Variants in RTN4 observed in about 807,000 individuals in gnomAD.
RTN4 encodes reticulon 4.
Under a neutral mutation model 90.4 loss-of-function variants are expected in RTN4, and 32 were observed. The observed-to-expected ratio is 0.35, with a 90% confidence interval of 0.27 to 0.48. RTN4 has a LOEUF of 0.48. Ranked by LOEUF, RTN4 falls within the 20% of genes least tolerant of loss-of-function variation. The pLI is 0.99. For synonymous variants in RTN4, 629 were observed against 552.5 expected, an observed-to-expected ratio of 1.14 and a Z score of -1.94; for missense variants, 1,706 against 1,430.2, an observed-to-expected ratio of 1.19 and a Z score of -3.11.
rs533232984 is a variant in RTN4 at position 55,050,375 on chromosome 2, T to TG, written c.-76dup. On this transcript the variant is annotated 5_prime_UTR_variant, in exon 1 of 9. Transcript: ENST00000337526. This position sits in a 1 kb window ranked among gnomAD's most constrained non-coding sequence, Gnocchi z 4.6. ...CGCGTCTCAGAGCCGCGGGCGGTTG[T>TG]GGGGGTTGGGGAGGACTGAGAGGGG... 3.1e-3 allele frequency: 3,064 copies of TG among 974,238 alleles called. 10 individuals carry two copies. The highest frequency in any genetic ancestry group is 3.8e-3 in the Non-Finnish European group (2,744 of 714,910). The allele number at this position is 974,238 out of a possible 1,614,324, so 60.3% of individuals were successfully genotyped here.
intron 3 of RTN4, chr2:55,010,085 A>G (rs1322593719): frequency 6.2e-7 from 1 of 1,613,472 alleles, no homozygotes; most frequent in Non-Finnish European, 8.5e-7. Context: ...AAGCAGATAT[A>G]CCCTTGTCCT....
intron 3 of RTN4, among the ~76,000 whole-genome samples, chr2:55,013,874 A>G (rs1680834621): frequency 6.6e-6 from 1 of 151,938 alleles, no homozygotes; most frequent in Non-Finnish European, 1.5e-5. Flanking sequence ...AGCAGCAATC[A>G]TTTGGATTGA....
At chr2:54,982,763 G>C (rs1201527349) in intron 4 of RTN4, 110 bp from the exon 5 acceptor site, 12 of 1,249,914 alleles carry the variant, frequency 9.6e-6, no homozygotes, top group Middle Eastern at 2.1e-4. Flanking sequence ...TACTATAAAA[G>C]CCAACTGTTT....
chr2:54,982,555 C>T lies in RTN4; in HGVS notation c.3320G>A (p.Arg1107Lys). 6.2e-7 allele frequency: 1 copy of T among 1,613,146 alleles called. No homozygotes were observed. Reference protein sequence around the residue: ...GHVNCTIKELRRLFLVDDLVD... With the variant: ...GHVNCTIKELKRLFLVDDLVD... The stretch of plus-strand genomic sequence containing the variant: ...TAAATCATCAACTAAGAAGAGGCGC[C>T]TGAGTTCCTTTATCGTGCAGTTCAC... Residue 1107 changes from arginine (R) to lysine (K), a missense_variant, in exon 5 of 9, where the codon AGG becomes AAG. Coordinates refer to ENST00000337526, the MANE Select transcript of RTN4 (RefSeq NM_020532.5).
At chr2:54,988,980 T>A (rs1003093821) in intron 3 of RTN4, among the ~76,000 whole-genome samples, 3 of 152,242 alleles carry the variant, frequency 2.0e-5, no homozygotes, top group Admixed American at 1.3e-4. Flanking sequence ...GAAAAAAATT[T>A]ATAGTAAATA....
rs1681917940 is a variant in RTN4 at position 55,026,784 on chromosome 2, C to G, written c.1315G>C (p.Glu439Gln). 6.2e-7 allele frequency: 1 copy of G among 1,613,952 alleles called. No homozygotes were observed. The highest frequency in any genetic ancestry group is 2.2e-5 in the East Asian group (1 of 44,876). ...LEQTNHEKDS[E>Q]SSNDDTSFPS... ...AAAGAAGTATCATCATTACTACTCT[C>G]ACTATCTTTTTCGTGATTAGTTTGC... The change falls in exon 3 of 9, where the codon GAG (glutamate) becomes CAG (glutamine). Residue 439 changes from glutamate (E) to glutamine (Q), a missense_variant. Physicochemically the swap from Glu to Gln is conservative, Grantham distance 29 (BLOSUM62 2). Coordinates refer to ENST00000337526, the MANE Select transcript of RTN4 (RefSeq NM_020532.5).
At chr2:55,116,091 C>T (rs865991480), upstream of RTN4, among the ~76,000 whole-genome samples, 139 of 105,416 alleles carry the variant, frequency 1.3e-3, no homozygotes, top group South Asian at 7.0e-3. Flanking sequence ...GGGGACTAGT[C>T]TTTTTTTTTT....
upstream of RTN4, among the ~76,000 whole-genome samples, chr2:55,052,787 A>T (rs550329220): frequency 2.1e-4 from 32 of 152,280 alleles, no homozygotes; most frequent in Non-Finnish European, 1.3e-4. Context: ...GACCTTTTCT[A>T]TTGTCACAGT....
chr2:55,136,103 T>C, the RTN4 span, among the ~76,000 whole-genome samples: 3 of 152,104 alleles, frequency 2.0e-5, no homozygotes, highest in South Asian at 4.2e-4. Flanking sequence ...AGTCTCCCAA[T>C]AGATAGAAAA....
chr2:55,120,655 A>G, the RTN4 span, among the ~76,000 whole-genome samples: 1 of 152,146 alleles, frequency 6.6e-6, no homozygotes. Flanking sequence ...CAAGCAAGTG[A>G]AAAAATGTCT....
chr2:55,078,114 A>C (rs1668636651), intron 2 of RTN4, among the ~76,000 whole-genome samples: 2 of 152,162 alleles, frequency 1.3e-5, no homozygotes, highest in Admixed American at 1.3e-4. Flanking sequence ...AAAATCTCAC[A>C]AACCACCACT....
intron 3 of RTN4, among the ~76,000 whole-genome samples, chr2:55,024,535 A>G (rs563451543): frequency 6.6e-6 from 1 of 152,320 alleles, no homozygotes; most frequent in African/African-American, 2.4e-5. Flanking sequence ...AAAGAAAAAA[A>G]GGAGAATCGG....
At chr2:54,976,396 C>T (rs1677636250) in intron 5 of RTN4, among the ~76,000 whole-genome samples, 1 of 152,084 alleles carries the variant, frequency 6.6e-6, no homozygotes, top group African/African-American at 2.4e-5. Flanking sequence ...CTCAAATGTC[C>T]TTAGGGCCAG....
chr2:55,068,231 G>A (rs749996564), intron 2 of RTN4, among the ~76,000 whole-genome samples: 5 of 152,074 alleles, frequency 3.3e-5, no homozygotes, highest in Admixed American at 6.6e-5. Flanking sequence ...AAAGTATATC[G>A]ATGAACATTT....
rs1677175712 is a variant in RTN4 at position 54,972,693 on chromosome 2, C to G, written c.*463G>C. 1 of 153,636 alleles carries G rather than the reference C, an allele frequency of 6.5e-6. No individual in the cohort carries two copies. Among genetic ancestry groups the G allele is most frequent in the Non-Finnish European group, 1.5e-5 (1 of 68,858 alleles). 9.5% of individuals were successfully genotyped at this position (153,636 alleles called of 1,614,324 possible). ...AACATACCAGAAAAGCAAGCTTTGT[C>G]ATTCCTGCTTTACCGGTATGATCTC... On this transcript the variant is annotated 3_prime_UTR_variant, in exon 9 of 9. Transcript: ENST00000337526.
chr2:55,025,144 T>C lies in RTN4; in HGVS notation c.2955A>G (p.Thr985=). Residue 985 remains threonine, a synonymous_variant, in exon 3 of 9, where the codon ACA becomes ACG. Transcript: ENST00000337526. ...KEAEKKLPSD[T]EKEDRSPSAI... ...CAGATGGTGATCTGTCCTCTTTTTC[T>C]GTATCGGAAGGAAGTTTTTTCTCAG... 6 of 1,613,586 alleles carry C rather than the reference T, an allele frequency of 3.7e-6. No individual in the cohort carries two copies. Among genetic ancestry groups the C allele is most frequent in the Non-Finnish European group, 5.1e-6 (6 of 1,179,736 alleles).
At chr2:55,098,569 C>T (rs1667794092) in intron 1 of RTN4, among the ~76,000 whole-genome samples, 1 of 151,762 alleles carries the variant, frequency 6.6e-6, no homozygotes, top group African/African-American at 2.4e-5. Flanking sequence ...TTTTTAAAAC[C>T]ATAATATTAT....
At chr2:55,090,242 C>T (rs1379150402) in intron 1 of RTN4, among the ~76,000 whole-genome samples, 1 of 152,126 alleles carries the variant, frequency 6.6e-6, no homozygotes, top group Non-Finnish European at 1.5e-5. Context: ...ATAGAACTAT[C>T]CCCAAATGTC....
At chr2:55,126,422 AG>A in the RTN4 span, among the ~76,000 whole-genome samples, 1 of 152,166 alleles carries the variant, frequency 6.6e-6, no homozygotes, top group East Asian at 1.9e-4. Context: ...CATATGGAAA[AG>A]AAAGCTCAAT....
Sources: gnomAD v4.1 joint callset for allele counts (sites outside exome capture counted in the v4.1 genomes callset) on GRCh38, gnomAD v4.1.1 for gene constraint, Gnocchi (gnomAD v3.1) non-coding constraint, MANE v1.5 for transcripts, NCBI Gene and HGNC (gene_info 2026-07-23, HGNC 2026-07-21) for gene names.